Variants in MLST8 observed in about 807,000 individuals in gnomAD.
The protein encoded by MLST8 is MTOR associated protein MLST8.
MLST8 carries 20 observed loss-of-function variants against 41.3 expected under a neutral mutation model. The observed-to-expected ratio is 0.48, with a 90% CI of 0.34 to 0.70. The LOEUF is 0.70. Among genes scored for constraint, MLST8 ranks in the 30% least tolerant of loss-of-function variants. MLST8 has a pLI of 0.01. For synonymous variants in MLST8, 243 were observed against 183.0 expected (o/e 1.33, Z -2.65); for missense variants, 422 against 454.3 (o/e 0.93, Z 0.65).
chr16:2,206,993 A>G (rs1283129436), intron 4 of MLST8, 42 bp from the exon 5 acceptor site: 8 of 1,608,658 alleles, frequency 5.0e-6, no homozygotes, highest in African/African-American at 2.7e-5. Flanking sequence ...TAGGGCACCA[A>G]CAAGCCCAGA....
At chr16:2,207,500 T>C in intron 6 of MLST8, 155 bp downstream of exon 6, 4 of 909,550 alleles carry the variant, frequency 4.4e-6, no homozygotes, top group Non-Finnish European at 6.6e-6. Context: ...CCAGAAGCCT[T>C]AGTGTCGCTC....
At position 2,207,363 on chromosome 16, in the gene MLST8, G is replaced by C. The variant is rs778117237; in HGVS notation, c.573+18G>C. ...ATAGCACCGTGAGTCCTGGTGGCAG[G>C]TGCTGGGTGCGGGCAGCTTGGCACT... is the stretch of plus-strand genomic sequence containing the variant. On this transcript the variant is annotated intron_variant, in intron 6 of 8. Coordinates refer to ENST00000569417, the MANE Select transcript of MLST8 (RefSeq NM_022372.6). 2 of 1,611,476 alleles carry C rather than the reference G, an allele frequency of 1.2e-6. No homozygotes were observed. Among genetic ancestry groups the C allele is most frequent in the Admixed American group, 1.7e-5 (1 of 59,938 alleles).
rs759025786 is a variant in MLST8 at position 2,206,503 on chromosome 16, A to C, written c.188A>C (p.Gln63Pro). The C allele has an allele frequency of 1.2e-6, 2 of 1,611,132 alleles. No individual in the cohort carries two copies. Among genetic ancestry groups the C allele is most frequent in the Non-Finnish European group, 1.7e-6 (2 of 1,177,450 alleles). Residue 63 changes from glutamine (Q) to proline (P), a missense_variant, in exon 4 of 9, where the codon CAG (glutamine) becomes CCG (proline). Physicochemically the swap from Gln to Pro is moderately conservative, Grantham distance 76. Transcript: ENST00000569417. ...GTTCAGCCTGTGTCCCTAGGTTACC[A>C]GCACATCCGCATGTATGATCTCAAC... ...DRSMIAAAGY[Q>P]HIRMYDLNSN...
chr16:2,205,721 C>T (rs928622708), intron 1 of MLST8: 20 of 1,004,852 alleles, frequency 2.0e-5, no homozygotes, highest in African/African-American at 5.2e-5. Flanking sequence ...TTCCCCGGCC[C>T]ATCCGCCGCC....
rs757910498 is a variant in MLST8, at chr16:2,208,604, A to T, written c.853A>T (p.Ile285Phe). Residue 285 changes from isoleucine to phenylalanine, a missense_variant, in exon 8 of 9, where the codon ATC becomes TTC. Transcript: ENST00000569417. ...CGCCTTCTCGGGGGACTCCCAGTAC[A>T]TCGTCACTGGTGAGCCCCGCCCTGG... ...GCAFSGDSQY[I>F]VTASSDNLAR... The T allele has an allele frequency of 6.2e-7, 1 of 1,612,340 alleles. No individual in the cohort carries two copies. Among genetic ancestry groups the T allele is most frequent in the Non-Finnish European group, 8.5e-7 (1 of 1,179,570 alleles).
At position 2,208,468 on chromosome 16, in the gene MLST8, G is replaced by A. The variant is rs373378733; in HGVS notation, c.717G>A (p.Ser239=). ...SPDSTLLATC[S]ADQTCKIWRT... ...CCACTAGGCTCCTCGCCACCTGCTC[G>A]GCTGATCAGACGTGCAAGATCTGGA... The change falls in exon 8 of 9, where the codon TCG becomes TCA. Residue 239 remains serine, a synonymous_variant. Transcript: ENST00000569417. 20 of 1,612,790 alleles carry A rather than the reference G, an allele frequency of 1.2e-5. No homozygotes were observed. Among genetic ancestry groups the A allele is most frequent in the Non-Finnish European group, 1.4e-5 (17 of 1,179,778 alleles).
Position 2,209,157 on chromosome 16 carries a change from G to T in MLST8, c.*280G>T. ...GGCCGAGGGCCCAAAGCTGCTGAGG[G>T]GTCTGAGGCTGGTGCCCACCCCCAA... On this transcript the variant is annotated 3_prime_UTR_variant, in exon 9 of 9. Coordinates refer to ENST00000569417, the MANE Select transcript of MLST8 (RefSeq NM_022372.6). 1 of 645,542 alleles carries T rather than the reference G, an allele frequency of 1.5e-6. No homozygotes were observed. Among genetic ancestry groups the T allele is most frequent in the Non-Finnish European group, 2.7e-6 (1 of 377,150 alleles). 40.0% of individuals were successfully genotyped at this position (645,542 alleles called of 1,614,324 possible). A position where few individuals can be genotyped will look rare whatever the true frequency, so the allele number is the denominator to read the frequency against.
chr16:2,206,454 C>T (rs749371625), intron 3 of MLST8, 43 bp from the exon 4 acceptor site: 16 of 1,613,386 alleles, frequency 9.9e-6, no homozygotes, highest in Non-Finnish European at 1.3e-5. Context: ...TCTGGTGGGT[C>T]GACCTCAGCA....
chr16:2,206,543 C>T lies in MLST8; in HGVS notation c.228C>T (p.Asn76=), dbSNP rs779058277. 1 of 1,613,998 alleles carries T rather than the reference C, an allele frequency of 6.2e-7. No individual in the cohort carries two copies. Among genetic ancestry groups the T allele is most frequent in the South Asian group, 1.1e-5 (1 of 91,086 alleles). The change falls in exon 4 of 9, where the codon AAC becomes AAT. Residue 76 remains asparagine (N), a synonymous_variant. Coordinates refer to ENST00000569417, the MANE Select transcript of MLST8 (RefSeq NM_022372.6). ...ATGATCTCAACTCCAATAACCCTAA[C>T]CCCATCATCAGCTACGACGGCGTCA... ...RMYDLNSNNP[N]PIISYDGVNK...
Position 2,206,081 on chromosome 16 carries a change from A to T in MLST8, c.-5A>T, listed in dbSNP as rs1178236750. ...TTCAGCTCTAGGGCCCGTGCAGGCC[A>T]CACCATGAACACCTCCCCAGGCACG... On this transcript the variant is annotated 5_prime_UTR_variant, in exon 2 of 9. Transcript: ENST00000569417. The T allele has an allele frequency of 6.3e-7, 1 of 1,594,256 alleles. No homozygotes were observed. Among genetic ancestry groups the T allele is most frequent in the African/African-American group, 1.3e-5 (1 of 74,538 alleles).
At chr16:2,207,687 T>C (rs2093321846) in intron 6 of MLST8, 4 of 356,928 alleles carry the variant, frequency 1.1e-5, no homozygotes, top group African/African-American at 2.1e-5. Flanking sequence ...CCCTGGCCCC[T>C]GACACGTTCT....
At chr16:2,208,668 C>T (rs1256611393) in intron 8 of MLST8, 55 bp downstream of exon 8, 1 of 1,612,504 alleles carries the variant, frequency 6.2e-7, no homozygotes, top group Non-Finnish European at 8.5e-7. Flanking sequence ...GCCTCCAGAG[C>T]CAGCCCACCT....
In MLST8 at chr16:2,206,231, G is replaced by T; in HGVS notation, c.129+17G>T. The T allele has an allele frequency of 6.2e-7, 1 of 1,603,036 alleles. No homozygotes were observed. The highest frequency in any genetic ancestry group is 8.5e-7 in the Non-Finnish European group (1 of 1,174,550). ...CAGGACTCCGTATCCTCCACCCGGG[G>T]CGGGCAGGGCGGCGCTGGGGGGATG... On this transcript the variant is annotated intron_variant, in intron 2 of 8. Transcript: ENST00000569417.
chr16:2,208,383 G>A, intron 7 of MLST8, 49 bp downstream of exon 7: 2 of 1,607,080 alleles, frequency 1.2e-6, no homozygotes, highest in South Asian at 1.1e-5. Context: ...TGGGCTGGGG[G>A]CTGGAGAGGG....
Position 2,209,027 on chromosome 16 carries a change from C to T in MLST8, c.*150C>T, listed in dbSNP as rs1206203694. On this transcript the variant is annotated 3_prime_UTR_variant, in exon 9 of 9. Transcript: ENST00000569417. ...GCCTTGACCTGCTGGGCCAGGCTGCCCTGGGACTCTCAGCCCCCAGTTGCT... is the reference window on the plus strand; with the variant it reads ...GCCTTGACCTGCTGGGCCAGGCTGCTCTGGGACTCTCAGCCCCCAGTTGCT... 8.3e-6 allele frequency: 7 copies of T among 839,772 alleles called. No homozygotes were observed. The highest frequency in any genetic ancestry group is 1.3e-5 in the Non-Finnish European group (7 of 523,584). The allele number at this position is 839,772 out of a possible 1,614,324, so 52.0% of individuals were successfully genotyped here.
Position 2,207,329 on chromosome 16 carries a change from C to T in MLST8, c.557C>T (p.Ala186Val), listed in dbSNP as rs2141368308. 14 of 1,614,114 alleles carry T rather than the reference C, an allele frequency of 8.7e-6. No homozygotes were observed. Among genetic ancestry groups the T allele is most frequent in the Non-Finnish European group, 1.2e-5 (14 of 1,179,980 alleles). Residue 186 changes from alanine (A) to valine (V), a missense_variant, in exon 6 of 9, where the codon GCA becomes GTA. By Grantham distance (64) the Ala-to-Val change is moderately conservative. Transcript: ENST00000569417. ...ATCGATCCCGACGCCAGCTACATGG[C>T]AGCTGTCAATAGCACCGTGAGTCCT... ...AHIDPDASYM[A>V]AVNSTGNCYV...
rs764907083 is a variant in MLST8 at position 2,208,597 on chromosome 16, C to T, written c.846C>T (p.Ser282=). ...GGGGCTGCGCCTTCTCGGGGGACTC[C>T]CAGTACATCGTCACTGGTGAGCCCC... ...WMWGCAFSGD[S]QYIVTASSDN... Residue 282 remains serine (S), a synonymous_variant, in exon 8 of 9, where the codon TCC becomes TCT. Transcript: ENST00000569417. The T allele has an allele frequency of 6.2e-7, 1 of 1,612,534 alleles. No homozygotes were observed. The highest frequency in any genetic ancestry group is 8.5e-7 in the Non-Finnish European group (1 of 1,179,690).
chr16:2,207,023 C>A lies in MLST8; in HGVS notation c.345-12C>A. The A allele has an allele frequency of 6.2e-7, 1 of 1,612,556 alleles. No homozygotes were observed. The highest frequency in any genetic ancestry group is 8.5e-7 in the Non-Finnish European group (1 of 1,179,678). On this transcript the variant is annotated splice_polypyrimidine_tract_variant and intron_variant, in intron 4 of 8. Coordinates refer to ENST00000569417, the MANE Select transcript of MLST8 (RefSeq NM_022372.6). The stretch of plus-strand genomic sequence containing the variant: ...CCCAGATGGACAGCATGTGCCCCGG[C>A]CCGGCCCGCAGGTCCCGGAACCTGC...
Position 2,207,674 on chromosome 16 carries a change from C to A in MLST8, c.573+329C>A, listed in dbSNP as rs1275648298. On this transcript the variant is annotated intron_variant, in intron 6 of 8. Transcript: ENST00000569417. ...GAGGCTTCCTTTCCCCCTCCCTGAC[C>A]TCCCCTGGCCCCTGACACGTTCTCT... 3.6e-5 allele frequency: 14 copies of A among 383,684 alleles called. No individual in the cohort carries two copies. The Admixed American group carries it at 5.8e-4, about 16-fold the overall frequency. The allele number at this position is 383,684 out of a possible 1,614,324, so 23.8% of individuals were successfully genotyped here. A position where few individuals can be genotyped will look rare whatever the true frequency, so the allele number is the denominator to read the frequency against.
Sources: gnomAD v4.1 joint callset for allele counts on GRCh38, gnomAD v4.1.1 for gene constraint, MANE v1.5 for transcripts, NCBI Gene and HGNC (gene_info 2026-07-23, HGNC 2026-07-21) for gene names.